ZCCHC17: variants seen among roughly 807,000 people sequenced by gnomAD.
ZCCHC17 encodes the protein zinc finger CCHC domain-containing protein 17.
Under a neutral mutation model 30.6 loss-of-function variants are expected in ZCCHC17, and 18 were observed. That is an observed-to-expected ratio of 0.59 (90% confidence interval 0.41 to 0.87). ZCCHC17 has a LOEUF of 0.87. ZCCHC17 is among the 40% of genes least tolerant of loss of function. ZCCHC17 has a pLI of 0.00. For missense variants in ZCCHC17, 263 were observed against 284.2 expected (o/e 0.93, Z 0.54); for synonymous variants, 88 against 92.4 (o/e 0.95, Z 0.27).
intron 3 of ZCCHC17, among the ~76,000 whole-genome samples, chr1:31,334,235 C>T (rs910210733): frequency 1.3e-5 from 2 of 151,634 alleles, no homozygotes; most frequent in Non-Finnish European, 2.9e-5. Flanking sequence ...AGTAGTGGCT[C>T]CCAGTAGGAG....
chr1:31,349,762 C>T (rs1310999503), intron 7 of ZCCHC17, among the ~76,000 whole-genome samples: 2 of 152,122 alleles, frequency 1.3e-5, no homozygotes, highest in Non-Finnish European at 2.9e-5. Context: ...TTCCTAGTAT[C>T]CTTAAGTGTT....
intron 7 of ZCCHC17, among the ~76,000 whole-genome samples, chr1:31,357,955 T>C (rs1299674308): frequency 6.6e-6 from 1 of 152,162 alleles, no homozygotes; most frequent in East Asian, 1.9e-4. Context: ...GGTTTCTCCA[T>C]GTTGTTCAGG....
intron 3 of ZCCHC17, 167 bp from the exon 4 acceptor site, chr1:31,337,008 G>C (rs879819290): frequency 5.3e-5 from 29 of 552,056 alleles, no homozygotes; most frequent in Non-Finnish European, 9.3e-5. Context: ...TTTGTTGGTT[G>C]ATTGGGTATA....
intron 7 of ZCCHC17, among the ~76,000 whole-genome samples, chr1:31,351,077 T>TAC (rs1156461780): frequency 6.6e-6 from 1 of 152,060 alleles, no homozygotes; most frequent in African/African-American, 2.4e-5. Flanking sequence ...TTCCTAAACA[T>TAC]ACACACACAC....
chr1:31,304,861 C>G (rs988144925), intron 1 of ZCCHC17, among the ~76,000 whole-genome samples: 5 of 152,178 alleles, frequency 3.3e-5, no homozygotes, highest in Non-Finnish European at 5.9e-5. Context: ...TCCCAAAGTG[C>G]TGGGATTACA....
At chr1:31,343,924 G>A (rs112596246) in intron 5 of ZCCHC17, among the ~76,000 whole-genome samples, 11,983 of 141,062 alleles carry the variant, frequency 0.085, 1,672 homozygotes, top group African/African-American at 0.3. Flanking sequence ...GCACGATCTC[G>A]GCTCACTGCA....
chr1:31,327,568 A>G (rs4949204), intron 3 of ZCCHC17, among the ~76,000 whole-genome samples: 82,594 of 152,074 alleles, frequency 0.54, 23,343 homozygotes, highest in Non-Finnish European at 0.62. Flanking sequence ...CTGTCTTGCC[A>G]CATTCCATCT....
intron 3 of ZCCHC17, 99 bp downstream of exon 3, chr1:31,319,265 T>G: frequency 1.0e-6 from 1 of 980,842 alleles, no homozygotes; most frequent in South Asian, 1.7e-5. Flanking sequence ...AGACAGTAGT[T>G]TTTCATTCCT....
intron 2 of ZCCHC17, among the ~76,000 whole-genome samples, chr1:31,315,433 G>A (rs1646709842): frequency 6.6e-6 from 1 of 152,142 alleles, no homozygotes; most frequent in Admixed American, 6.6e-5. Context: ...AAGCATGTTG[G>A]TAGCAGAGTG....
chr1:31,309,589 G>A (rs529868020), intron 1 of ZCCHC17, among the ~76,000 whole-genome samples: 5 of 152,178 alleles, frequency 3.3e-5, no homozygotes, highest in Non-Finnish European at 7.3e-5. Context: ...TGGGATTACA[G>A]GTGTGAGCCA....
intron 1 of ZCCHC17, among the ~76,000 whole-genome samples, chr1:31,299,753 G>A (rs10914345): frequency 0.016 from 2,398 of 152,256 alleles, 52 homozygotes; most frequent in African/African-American, 0.054. Flanking sequence ...AGTGGGTTCT[G>A]TTGTCTGCAA....
At chr1:31,341,834 A>G (rs977451170) in intron 5 of ZCCHC17, among the ~76,000 whole-genome samples, 6 of 152,226 alleles carry the variant, frequency 3.9e-5, no homozygotes, top group African/African-American at 1.4e-4. Flanking sequence ...TGTCTAGTCT[A>G]TGGTAGACAT....
intron 7 of ZCCHC17, among the ~76,000 whole-genome samples, chr1:31,361,154 A>C (rs1272939611): frequency 1.3e-5 from 2 of 152,066 alleles, no homozygotes; most frequent in Non-Finnish European, 2.9e-5. Context: ...TGATTTGCCA[A>C]CTCTCAGCTC....
chr1:31,299,327 G>GA (rs139719164), intron 1 of ZCCHC17, among the ~76,000 whole-genome samples: 3 of 151,098 alleles, frequency 2.0e-5, no homozygotes, highest in Non-Finnish European at 1.5e-5. Context: ...AGGATGCAAG[G>GA]AAAAAAAAAA....
intron 3 of ZCCHC17, among the ~76,000 whole-genome samples, chr1:31,330,066 G>A (rs193158840): frequency 1.1e-3 from 175 of 152,256 alleles, no homozygotes; most frequent in Non-Finnish European, 2.2e-3. Context: ...TGTGGAGAGG[G>A]AATTAAGATT....
At chr1:31,350,845 G>T (rs558351811) in intron 7 of ZCCHC17, among the ~76,000 whole-genome samples, 1 of 152,042 alleles carries the variant, frequency 6.6e-6, no homozygotes, top group Non-Finnish European at 1.5e-5. Context: ...CAAGTGATCC[G>T]CCTGCCTTCG....
chr1:31,346,633 A>C lies in ZCCHC17; in HGVS notation c.318-7A>C. On this transcript the variant is annotated splice_polypyrimidine_tract_variant and splice_region_variant and intron_variant, in intron 5 of 7. Transcript: ENST00000344147. ...GGGGCCGGCAGTCGGTATCTTTTTC[A>C]TTATAGGCAAGAAGAGAGGCGGAGG... The C allele has an allele frequency of 6.3e-7, 1 of 1,599,624 alleles. No individual in the cohort carries two copies. Among genetic ancestry groups the C allele is most frequent in the Non-Finnish European group, 8.5e-7 (1 of 1,169,688 alleles).
At chr1:31,339,540 G>A (rs957289284) in intron 5 of ZCCHC17, among the ~76,000 whole-genome samples, 16 of 152,096 alleles carry the variant, frequency 1.1e-4, no homozygotes, top group African/African-American at 1.9e-4. Flanking sequence ...AATAAAAATA[G>A]TTAACACCTT....
At position 31,348,839 on chromosome 1, in the gene ZCCHC17, A is replaced by G. The variant is rs994263367; in HGVS notation, c.429A>G (p.Ala143=). 1.9e-6 allele frequency: 3 copies of G among 1,612,576 alleles called. No homozygotes were observed. In the Admixed American group the frequency reaches 5.0e-5, roughly 27 times the overall value. Residue 143 remains alanine (A), a synonymous_variant, in exon 7 of 8, where the codon GCA becomes GCG. Transcript: ENST00000344147. ...CKKCGCKGHF[A]KDCFMQPGGT... ...ACTTTTCTTCTGCAGGCCACTTTGC[A>G]AAAGATTGTTTCATGCAACCAGGTG...
Sources: allele counts gnomAD v4.1 joint callset (sites outside exome capture counted in the v4.1 genomes callset), GRCh38; gene constraint gnomAD v4.1.1; transcripts MANE v1.5; gene names NCBI Gene and HGNC (gene_info 2026-07-23, HGNC 2026-07-21).